The following TRA2B variants were observed in gnomAD, a reference collection of about 807,000 sequenced individuals.
The protein encoded by TRA2B is transformer 2 beta homolog.
Under a neutral mutation model 41.7 loss-of-function variants are expected in TRA2B, and 14 were observed. The ratio of observed to expected loss-of-function variants is 0.34; its 90% CI spans 0.22 to 0.53. TRA2B has a LOEUF of 0.53. TRA2B is among the 20% of genes least tolerant of loss of function. TRA2B has a pLI of 0.95. For missense variants in TRA2B, 167 were observed against 396.8 expected, an observed-to-expected ratio of 0.42 and a Z score of 4.92; for synonymous variants, 130 against 128.8, an observed-to-expected ratio of 1.01 and a Z score of -0.06.
At chr3:185,935,403 A>G in intron 1 of TRA2B, 1 of 985,422 alleles carries the variant, frequency 1.0e-6, no homozygotes, top group Non-Finnish European at 1.2e-6. Context: ...CAGTTCTTTA[A>G]ATGTCATTAT....
At position 185,926,694 on chromosome 3, in the gene TRA2B, G is replaced by C; in HGVS notation, c.77C>G (p.Ser26Trp). The change falls in exon 2 of 9, where the codon TCG becomes TGG. Residue 26 changes from serine to tryptophan, a missense_variant. Transcript: ENST00000453386. ...SASRSGSAHG[S>W]GKSARHTPAR... ...AGGGGTATGCCTTGCAGATTTCCCC[G>C]ATCCGTGAGCACTTCCACTTCTGGA... 2 of 1,614,080 alleles carry C rather than the reference G, an allele frequency of 1.2e-6. No individual in the cohort carries two copies. The highest frequency in any genetic ancestry group is 1.7e-6 in the Non-Finnish European group (2 of 1,180,006).
Position 185,918,353 on chromosome 3 carries a change from A to AT in TRA2B, c.856+11dup. The AT allele has an allele frequency of 6.2e-7, 1 of 1,600,846 alleles. No homozygotes were observed. Among genetic ancestry groups the AT allele is most frequent in the Non-Finnish European group, 8.6e-7 (1 of 1,168,448 alleles). On this transcript the variant is annotated intron_variant, in intron 8 of 8. Coordinates refer to ENST00000453386, the MANE Select transcript of TRA2B (RefSeq NM_004593.3). The stretch of plus-strand genomic sequence containing the variant: ...CTACAATATAAACAATCATATTAAG[A>AT]TAAAAACTTACGAGGTGAGTATGAT...
chr3:185,930,174 C>T (rs1275920500), intron 1 of TRA2B, among the ~76,000 whole-genome samples: 1 of 152,154 alleles, frequency 6.6e-6, no homozygotes, highest in African/African-American at 2.4e-5. Flanking sequence ...CTTTAGTGGG[C>T]TGGGGGTTAA....
At position 185,925,569 on chromosome 3, in the gene TRA2B, G is replaced by A. The variant is rs765427623; in HGVS notation, c.228C>T (p.Arg76=). ...ACCTGCTACGTGATCGTCTATGGGA[G>A]CGGGAGCGAGACCGTGACCGGGTAT... ...RHYTRSRSRS[R]SHRRSRSRSY... is the part of the protein sequence containing the mutation. Residue 76 remains arginine, a synonymous_variant, in exon 3 of 9, where the codon CGC becomes CGT. Transcript: ENST00000453386. The A allele has an allele frequency of 1.9e-6, 3 of 1,614,060 alleles. No individual in the cohort carries two copies. The highest frequency in any genetic ancestry group is 1.6e-4 in the Middle Eastern group (1 of 6,082).
At chr3:185,926,887 T>C (rs959667996) in intron 1 of TRA2B, 153 bp from the exon 2 acceptor site, 8 of 830,896 alleles carry the variant, frequency 9.6e-6, no homozygotes, top group Non-Finnish European at 1.4e-5. Flanking sequence ...CTGGTGTTAA[T>C]AGTTTCATTG....
At chr3:185,918,747 G>A (rs1251959576) in intron 7 of TRA2B, among the ~76,000 whole-genome samples, 6 of 152,018 alleles carry the variant, frequency 3.9e-5, no homozygotes, top group African/African-American at 1.5e-4. Context: ...GTGGCTCAAC[G>A]CCTATAATCC....
intron 1 of TRA2B, chr3:185,936,457 G>C (rs1332145919): frequency 1.0e-6 from 1 of 985,306 alleles, no homozygotes; most frequent in Non-Finnish European, 1.2e-6. Context: ...GTAAACGCAA[G>C]GCTTGATTAG....
chr3:185,926,910 TAA>T, intron 1 of TRA2B, 176 bp from the exon 2 acceptor site: 1 of 696,998 alleles, frequency 1.4e-6, no homozygotes, highest in Non-Finnish European at 2.3e-6. Flanking sequence ...CCAAATGACA[TAA>T]GTCAATTAAC....
rs1281363973 is a variant in TRA2B at position 185,914,659 on chromosome 3, GGCTTTTTGATGACATTTGGCATAAGCTA to G, written c.*3028_*3055del. On this transcript the variant is annotated 3_prime_UTR_variant, in exon 9 of 9. Transcript: ENST00000453386. ...CTTTACATTACTGTAGTAGCATTCTGGCTTTTTGATGACATTTGGCATAAGCTAGCATTAAGTCCAATCCTACAAGAGC... is the reference window on the plus strand; with the variant it reads ...CTTTACATTACTGTAGTAGCATTCTGGCATTAAGTCCAATCCTACAAGAGC... 6.6e-6 allele frequency among the ~76,000 whole-genome samples: 1 copy of G among 151,956 alleles called. No homozygotes were observed. Among genetic ancestry groups the G allele is most frequent in the Non-Finnish European group, 1.5e-5 (1 of 68,000 alleles).
chr3:185,923,515 T>C (rs1743820108), intron 4 of TRA2B: 2 of 247,032 alleles, frequency 8.1e-6, no homozygotes, highest in East Asian at 1.5e-4. Context: ...TTTTTGACTC[T>C]AGAATGTGAA....
intron 3 of TRA2B, chr3:185,924,197 T>C (rs1229229071): frequency 5.0e-6 from 2 of 398,478 alleles, no homozygotes; most frequent in Non-Finnish European, 4.4e-6. Context: ...ATTTCAACCT[T>C]AGAATTAAGT....
chr3:185,927,906 T>TA (rs1483389049), intron 1 of TRA2B: 2 of 152,208 alleles, frequency 1.3e-5, no homozygotes, highest in East Asian at 3.8e-4. Flanking sequence ...TTATCAAACT[T>TA]AGACAAAGTA....
chr3:185,920,495 A>C (rs1023687908), intron 6 of TRA2B, among the ~76,000 whole-genome samples: 11 of 151,996 alleles, frequency 7.2e-5, no homozygotes, highest in South Asian at 4.1e-4. Context: ...GGCTGGTCTC[A>C]AATTCCCGGG....
Position 185,923,990 on chromosome 3 carries a change from G to T in TRA2B, c.334-6C>A. 1 of 1,482,374 alleles carries T rather than the reference G, an allele frequency of 6.7e-7. No homozygotes were observed. The highest frequency in any genetic ancestry group is 1.3e-5 in the South Asian group (1 of 77,420). 91.8% of individuals were successfully genotyped at this position (1,482,374 alleles called of 1,614,324 possible). ...CAGTTAGGATCAGGATTTGCCTAGG[G>T]AAAAAAAAAAGTTTTAAACTTTGGA... On this transcript the variant is annotated splice_region_variant and splice_polypyrimidine_tract_variant and intron_variant, in intron 3 of 8. Transcript: ENST00000453386.
At chr3:185,934,164 T>C (rs1406542021) in intron 1 of TRA2B, among the ~76,000 whole-genome samples, 2 of 152,090 alleles carry the variant, frequency 1.3e-5, no homozygotes, top group Non-Finnish European at 2.9e-5. Context: ...TTCCTAAACA[T>C]CAGTCACCAT....
intron 5 of TRA2B, among the ~76,000 whole-genome samples, chr3:185,921,393 A>G (rs1396407710): frequency 9.2e-5 from 14 of 152,224 alleles, no homozygotes; most frequent in Admixed American, 9.2e-4. Context: ...AAGGAGGCAC[A>G]CAGATCCTGC....
In TRA2B at chr3:185,937,314, C is replaced by T. The variant is rs534174636; in HGVS notation, c.36+511G>A. 411 of 988,526 alleles carry T rather than the reference C, an allele frequency of 4.2e-4. 6 individuals are homozygous for T. Among genetic ancestry groups the T allele is most frequent in the East Asian group, 7.9e-4 (7 of 8,870 alleles). 61.2% of individuals were successfully genotyped at this position (988,526 alleles called of 1,614,324 possible). The stretch of plus-strand genomic sequence containing the variant: ...AGACGGTCCTTCGTTAACCTAAACA[C>T]CGGCCCAAAGACCCAAAAGAACGTC... On this transcript the variant is annotated intron_variant, in intron 1 of 8. Transcript: ENST00000453386.
At chr3:185,931,605 ACTT>A (rs1466301878) in intron 1 of TRA2B, 5 of 1,280,372 alleles carry the variant, frequency 3.9e-6, no homozygotes, top group Non-Finnish European at 3.9e-6. Flanking sequence ...ATTCCAGATT[ACTT>A]CTTATCTTAA....
intron 1 of TRA2B, chr3:185,936,918 G>C (rs1258800771): frequency 1.0e-6 from 1 of 985,240 alleles, no homozygotes; most frequent in African/African-American, 1.7e-5. Flanking sequence ...CCTTTAAGAG[G>C]TGGAAACTTA....
Sources: gnomAD v4.1 joint callset for allele counts (sites outside exome capture counted in the v4.1 genomes callset) on GRCh38, gnomAD v4.1.1 for gene constraint, MANE v1.5 for transcripts, NCBI Gene and HGNC (gene_info 2026-07-23, HGNC 2026-07-21) for gene names.